The following PDE4D variants were observed in gnomAD, a reference collection of about 807,000 sequenced individuals.
PDE4D encodes 3',5'-cyclic-AMP phosphodiesterase 4D.
In PDE4D, 24 loss-of-function variants were observed where a neutral mutation model predicts 87.4. The ratio of observed to expected loss-of-function variants is 0.27; its 90% CI spans 0.20 to 0.39. The LOEUF is 0.39. Among genes scored for constraint, PDE4D ranks in the 10% least tolerant of loss-of-function variants. PDE4D has a pLI of 1.00. For missense variants in PDE4D, 714 were observed against 1,041.0 expected (o/e 0.69, Z 4.32); for synonymous variants, 384 against 383.2 (o/e 1.00, Z -0.02).
chr5:59,396,284 AT>A, intron 1 of PDE4D, among the ~76,000 whole-genome samples: 1 of 105,780 alleles, frequency 9.5e-6, no homozygotes, highest in Non-Finnish European at 1.9e-5. Context: ...TAATTGTCAG[AT>A]TCACCAAAGT....
At chr5:60,338,840 G>A (rs916145113) in intron 1 of PDE4D, among the ~76,000 whole-genome samples, 1 of 151,958 alleles carries the variant, frequency 6.6e-6, no homozygotes, top group Non-Finnish European at 1.5e-5. Flanking sequence ...AATAGGAGAG[G>A]GGCCTGAATC....
chr5:59,124,336 G>A (rs973397571), intron 5 of PDE4D, among the ~76,000 whole-genome samples: 2 of 152,178 alleles, frequency 1.3e-5, no homozygotes, highest in South Asian at 2.1e-4. Context: ...CCAGGAGCTA[G>A]TCCTAAACTG....
chr5:59,594,513 G>C (rs1487625826), intron 1 of PDE4D, among the ~76,000 whole-genome samples: 1 of 151,800 alleles, frequency 6.6e-6, no homozygotes, highest in Admixed American at 6.6e-5. Flanking sequence ...TAGAGATGAG[G>C]TTTTACCACA....
chr5:58,983,641 G>A (rs1188107452), intron 11 of PDE4D, among the ~76,000 whole-genome samples: 1 of 152,142 alleles, frequency 6.6e-6, no homozygotes, highest in African/African-American at 2.4e-5. Flanking sequence ...CACACAGAGG[G>A]CTCTGTCAAA....
chr5:60,270,180 A>G (rs1358233442), intron 1 of PDE4D, among the ~76,000 whole-genome samples: 1 of 152,232 alleles, frequency 6.6e-6, no homozygotes, highest in African/African-American at 2.4e-5. Context: ...AGTCATTTCT[A>G]GAAGGTCACT....
intron 1 of PDE4D, among the ~76,000 whole-genome samples, chr5:59,332,434 C>T (rs1314686590): frequency 6.6e-6 from 1 of 152,144 alleles, no homozygotes; most frequent in South Asian, 2.1e-4. Flanking sequence ...CAAGATCTGG[C>T]TTCAAGGCAC....
intron 1 of PDE4D, among the ~76,000 whole-genome samples, chr5:59,603,927 A>T (rs1177681966): frequency 1.3e-5 from 2 of 152,028 alleles, no homozygotes; most frequent in Non-Finnish European, 2.9e-5. Context: ...CACAAAAATA[A>T]CCATGTGAGT....
chr5:59,951,124 A>G (rs1758252498), intron 3 of PDE4D, among the ~76,000 whole-genome samples: 1 of 152,184 alleles, frequency 6.6e-6, no homozygotes, highest in Admixed American at 6.5e-5. Context: ...TTTTCATGTA[A>G]TATCAGCTTT....
intron 1 of PDE4D, among the ~76,000 whole-genome samples, chr5:60,240,826 G>C (rs1351423989): frequency 2.6e-5 from 4 of 152,124 alleles, no homozygotes; most frequent in Non-Finnish European, 5.9e-5. Flanking sequence ...TACTAGGTTT[G>C]TGGTACCCCC....
At chr5:60,270,385 AATG>A (rs1750692108) in intron 1 of PDE4D, among the ~76,000 whole-genome samples, 1 of 152,236 alleles carries the variant, frequency 6.6e-6, no homozygotes, top group African/African-American at 2.4e-5. Context: ...AGTTATTAAT[AATG>A]ATATCTTCTA....
At chr5:60,115,606 G>A (rs1778101706) in intron 2 of PDE4D, among the ~76,000 whole-genome samples, 1 of 151,930 alleles carries the variant, frequency 6.6e-6, no homozygotes. Flanking sequence ...GAGAAGCCTG[G>A]ATTTACACAG....
chr5:60,134,119 C>T (rs938485818), intron 2 of PDE4D, among the ~76,000 whole-genome samples: 11 of 152,078 alleles, frequency 7.2e-5, no homozygotes, highest in South Asian at 4.1e-4. Flanking sequence ...TATAACTATA[C>T]CAAATTTTTA....
chr5:60,156,759 C>A (rs917090409), intron 2 of PDE4D, among the ~76,000 whole-genome samples: 2 of 152,032 alleles, frequency 1.3e-5, no homozygotes, highest in African/African-American at 4.8e-5. Context: ...TTTAAGATGT[C>A]ATTTATTCCA....
At chr5:59,620,530 C>A (rs2150108590) in intron 1 of PDE4D, among the ~76,000 whole-genome samples, 1 of 152,140 alleles carries the variant, frequency 6.6e-6, no homozygotes, top group Middle Eastern at 3.4e-3. Context: ...AGAGTGTGGC[C>A]ATGGAGGTGA....
At chr5:60,076,840 T>C (rs561103743) in intron 2 of PDE4D, among the ~76,000 whole-genome samples, 18 of 152,212 alleles carry the variant, frequency 1.2e-4, no homozygotes, top group Non-Finnish European at 2.5e-4. Flanking sequence ...GCAGGGTGCA[T>C]GCTTGTTGGA....
rs537277533 is a variant in PDE4D at position 60,254,822 on chromosome 5, T to C, written c.-89-69135A>G. ...ATCTATGACATGAGAATATTAATGG[T>C]ATATACATCATAAGGTCATTGTAAA... On this transcript the variant is annotated intron_variant, in intron 1 of 16. Transcript: ENST00000502484. Among the ~76,000 whole-genome samples the C allele has an allele frequency of 2.6e-5, 4 of 151,996 alleles. No individual in the cohort carries two copies. In the East Asian group the frequency reaches 7.8e-4, roughly 30 times the overall value.
At chr5:60,038,584 C>T (rs1457507151) in intron 2 of PDE4D, among the ~76,000 whole-genome samples, 1 of 152,056 alleles carries the variant, frequency 6.6e-6, no homozygotes, top group Non-Finnish European at 1.5e-5. Context: ...GTTCTTTTGG[C>T]TTATGCAGGC....
chr5:59,535,574 A>G (rs1415064000), intron 1 of PDE4D, among the ~76,000 whole-genome samples: 1 of 152,224 alleles, frequency 6.6e-6, no homozygotes, highest in African/African-American at 2.4e-5. Context: ...CCTGTTGTCA[A>G]CAATAGTGTT....
At chr5:59,514,250 C>T (rs541361512) in intron 1 of PDE4D, among the ~76,000 whole-genome samples, 73 of 151,988 alleles carry the variant, frequency 4.8e-4, no homozygotes, top group Middle Eastern at 3.4e-3. Flanking sequence ...GGACTACAGG[C>T]GCCCGCCACC....
Sources: allele counts gnomAD v4.1 joint callset (sites outside exome capture counted in the v4.1 genomes callset), GRCh38; gene constraint gnomAD v4.1.1; transcripts MANE v1.5; gene names NCBI Gene and HGNC (gene_info 2026-07-23, HGNC 2026-07-21).